POU3F3: variants seen among roughly 807,000 people sequenced by gnomAD.
The protein encoded by POU3F3 is POU domain, class 3, transcription factor 3.
POU3F3 carries 1 observed loss-of-function variant against 8.6 expected under a neutral mutation model. That is an observed-to-expected ratio of 0.12 (90% CI 0.04 to 0.55). The LOEUF is 0.55. POU3F3 is among the 20% of genes least tolerant of loss of function. The pLI, the probability that POU3F3 is intolerant of heterozygous loss-of-function variation, is 0.91. For synonymous variants in POU3F3, 418 were observed against 327.4 expected (o/e 1.28, Z -2.99); for missense variants, 577 against 690.7 (o/e 0.84, Z 1.84).
At chr2:104,861,896 A>G (rs140573568), downstream of POU3F3, among the ~76,000 whole-genome samples, 194 of 152,302 alleles carry the variant, frequency 1.3e-3, no homozygotes, top group African/African-American at 4.4e-3. Flanking sequence ...TCCTCACGGT[A>G]GGCTTGACGT....
At chr2:104,895,252 T>C in the POU3F3 span, among the ~76,000 whole-genome samples, 1 of 152,272 alleles carries the variant, frequency 6.6e-6, no homozygotes, top group African/African-American at 2.4e-5. Context: ...ACTCAAAGGG[T>C]ATTTTTTCTT....
At chr2:104,860,859 TG>T (rs1158529021), downstream of POU3F3, among the ~76,000 whole-genome samples, 1 of 149,952 alleles carries the variant, frequency 6.7e-6, no homozygotes, top group Admixed American at 6.7e-5. Flanking sequence ...TTTGCTGCCC[TG>T]TAGCCTCCAG....
At position 104,857,097 on chromosome 2, in the gene POU3F3, G is replaced by A; in HGVS notation, c.*84G>A. 2.0e-6 allele frequency: 2 copies of A among 975,776 alleles called. No individual in the cohort carries two copies. The highest frequency in any genetic ancestry group is 2.4e-6 in the Non-Finnish European group (2 of 824,236). 60.4% of individuals were successfully genotyped at this position (975,776 alleles called of 1,614,324 possible). A position where few individuals can be genotyped will look rare whatever the true frequency, so the allele number is the denominator to read the frequency against. On this transcript the variant is annotated 3_prime_UTR_variant, in exon 1 of 1. Coordinates refer to ENST00000361360, the MANE Select transcript of POU3F3 (RefSeq NM_006236.3). ...CACCGCCGCCGCCCCTGCCGCCGCC[G>A]CCGCCGCCGCCGCCGCCGCTGCCGC...
At chr2:104,924,335 A>T in the POU3F3 span, among the ~76,000 whole-genome samples, 8 of 152,212 alleles carry the variant, frequency 5.3e-5, no homozygotes, top group African/African-American at 1.9e-4. Context: ...GAAGGGCATG[A>T]TTATATTTGA....
At chr2:104,863,752 C>T in the POU3F3 span, among the ~76,000 whole-genome samples, 2 of 152,298 alleles carry the variant, frequency 1.3e-5, no homozygotes, top group East Asian at 3.9e-4. Context: ...AAGGATGCGG[C>T]GCGTGGAAGG....
chr2:104,872,855 C>A, the POU3F3 span, among the ~76,000 whole-genome samples: 2 of 152,168 alleles, frequency 1.3e-5, no homozygotes, highest in African/African-American at 4.8e-5. This position sits in a 1 kb window ranked among gnomAD's most constrained non-coding sequence, Gnocchi z 4.6. Context: ...GATCACCTAT[C>A]GTCAAGTCAC....
chr2:104,912,309 A>G, the POU3F3 span, among the ~76,000 whole-genome samples: 2 of 152,232 alleles, frequency 1.3e-5, no homozygotes, highest in African/African-American at 2.4e-5. Context: ...CCTCCATCGT[A>G]GCTGAGATCA....
the POU3F3 span, chr2:104,865,526 A>C: frequency 2.0e-5 from 3 of 152,264 alleles, no homozygotes; most frequent in African/African-American, 7.2e-5. Context: ...TGTTCTGATG[A>C]GCTTCCTGGG....
chr2:104,923,938 G>C, the POU3F3 span, among the ~76,000 whole-genome samples: 4 of 152,156 alleles, frequency 2.6e-5, no homozygotes, highest in Admixed American at 2.6e-4. Context: ...GAGGTGCATA[G>C]AGTAGTCAAA....
At chr2:104,919,007 G>T in the POU3F3 span, among the ~76,000 whole-genome samples, 19 of 151,944 alleles carry the variant, frequency 1.3e-4, no homozygotes, top group Non-Finnish European at 2.6e-4. Context: ...GAGTAGCTGG[G>T]ATTACAGGCA....
chr2:104,911,200 G>C, the POU3F3 span, among the ~76,000 whole-genome samples: 1 of 151,776 alleles, frequency 6.6e-6, no homozygotes, highest in African/African-American at 2.4e-5. Context: ...GTGAGGTCAG[G>C]AGTTCAAGAC....
At chr2:104,873,268 C>T in the POU3F3 span, among the ~76,000 whole-genome samples, 1 of 152,188 alleles carries the variant, frequency 6.6e-6, no homozygotes, top group African/African-American at 2.4e-5. Flanking sequence ...CCCTTTCCGC[C>T]CGCGCACCGC....
At chr2:104,922,773 A>C in the POU3F3 span, among the ~76,000 whole-genome samples, 2 of 152,216 alleles carry the variant, frequency 1.3e-5, no homozygotes, top group African/African-American at 4.8e-5. Flanking sequence ...AAAACTTTCC[A>C]AATTTTATGG....
At chr2:104,888,240 T>C in the POU3F3 span, among the ~76,000 whole-genome samples, 14 of 152,378 alleles carry the variant, frequency 9.2e-5, no homozygotes, top group African/African-American at 3.4e-4. Context: ...AAACATTAGA[T>C]ACTCTTTAAA....
In POU3F3 at chr2:104,857,175, C is replaced by A; in HGVS notation, c.*162C>A. Reference sequence around the variant, plus strand: ...CTCCGGGCTCCAGCCCAGGCCCATCCGCCGCCCTCCCCTCCACCCAGAGAC... The same window carrying A: ...CTCCGGGCTCCAGCCCAGGCCCATCAGCCGCCCTCCCCTCCACCCAGAGAC... On this transcript the variant is annotated 3_prime_UTR_variant, in exon 1 of 1. Coordinates refer to ENST00000361360, the MANE Select transcript of POU3F3 (RefSeq NM_006236.3). 2.6e-6 allele frequency: 2 copies of A among 759,240 alleles called. No individual in the cohort carries two copies. The highest frequency in any genetic ancestry group is 3.2e-6 in the Non-Finnish European group (2 of 623,300). The allele number at this position is 759,240 out of a possible 1,614,324, so 47.0% of individuals were successfully genotyped here.
the POU3F3 span, among the ~76,000 whole-genome samples, chr2:104,876,128 A>C: frequency 6.6e-6 from 1 of 152,232 alleles, no homozygotes; most frequent in African/African-American, 2.4e-5. Context: ...CCCTGGTTCT[A>C]ATCAGAAGCT....
At chr2:104,901,945 G>C in the POU3F3 span, among the ~76,000 whole-genome samples, 1 of 152,154 alleles carries the variant, frequency 6.6e-6, no homozygotes, top group Admixed American at 6.5e-5. Flanking sequence ...ATGGAGTTGC[G>C]TATTAATGCC....
chr2:104,874,931 C>T, the POU3F3 span, among the ~76,000 whole-genome samples: 2 of 152,200 alleles, frequency 1.3e-5, no homozygotes, highest in Non-Finnish European at 2.9e-5. Flanking sequence ...CATCCATCTC[C>T]AGAAGTTTTT....
At chr2:104,886,697 C>A in the POU3F3 span, among the ~76,000 whole-genome samples, 1 of 152,114 alleles carries the variant, frequency 6.6e-6, no homozygotes, top group Admixed American at 6.5e-5. Flanking sequence ...CACCTGAGGT[C>A]TGGAGTTCGA....
Sources: gnomAD v4.1 joint callset for allele counts (sites outside exome capture counted in the v4.1 genomes callset) on GRCh38, gnomAD v4.1.1 for gene constraint, Gnocchi (gnomAD v3.1) non-coding constraint, MANE v1.5 for transcripts, NCBI Gene and HGNC (gene_info 2026-07-23, HGNC 2026-07-21) for gene names.